The following ANOS1 variants were observed in gnomAD, a reference collection of about 807,000 sequenced individuals.
ANOS1 encodes anosmin-1.
In ANOS1, 6 loss-of-function variants were observed where a neutral mutation model predicts 59.0. The observed-to-expected ratio is 0.10, with a 90% confidence interval of 0.06 to 0.20. The LOEUF is 0.20. ANOS1 is among the 10% of genes least tolerant of loss of function. The pLI, the probability that ANOS1 is intolerant of heterozygous loss-of-function variation, is 1.00. For synonymous variants in ANOS1, 217 were observed against 223.4 expected (o/e 0.97, Z 0.25); for missense variants, 433 against 542.3 (o/e 0.80, Z 2.00).
chrX:8,571,554 G>A (rs908319878), intron 6 of ANOS1, among the ~76,000 whole-genome samples: 5 of 111,883 alleles, frequency 4.5e-5, no homozygotes, highest in African/African-American at 1.6e-4. Context: ...TTGCACACTG[G>A]ATGACTTATG....
At chrX:8,657,864 G>C (rs1015282717) in intron 2 of ANOS1, among the ~76,000 whole-genome samples, 4 of 111,150 alleles carry the variant, frequency 3.6e-5, no homozygotes, top group Non-Finnish European at 7.5e-5. Context: ...GGGGACAGAA[G>C]GGAGTCCAGG....
At chrX:8,659,355 G>T (rs1249110001) in intron 2 of ANOS1, among the ~76,000 whole-genome samples, 1 of 111,114 alleles carries the variant, frequency 9.0e-6, no homozygotes, top group African/African-American at 3.3e-5. Context: ...AAGCTACAGT[G>T]AGCTATAATT....
rs957612164 is a variant in ANOS1 at position 8,731,956 on chromosome X, G to C, written c.81C>G (p.Pro27=). The C allele has an allele frequency of 2.7e-6, 3 of 1,113,442 alleles. No individual in the cohort carries two copies. The highest frequency in any genetic ancestry group is 2.1e-5 in the South Asian group (1 of 46,545). The allele number at this position is 1,113,442 out of a possible 1,213,427, so 91.8% of individuals were successfully genotyped here. A position where few individuals can be genotyped will look rare whatever the true frequency, so the allele number is the denominator to read the frequency against. ...CCAGCCGCCGCGCAGCAGCCGCGCC[G>C]GGGCCGGCCGCCAGGCAGCCGCTGG... ...AASSGCLAAG[P]GAAAARRLDE... The change falls in exon 1 of 14, where the codon CCC becomes CCG. Residue 27 remains proline, a synonymous_variant. Transcript: ENST00000262648.
At chrX:8,641,297 C>T (rs1282663561) in intron 2 of ANOS1, among the ~76,000 whole-genome samples, 1 of 111,877 alleles carries the variant, frequency 8.9e-6, no homozygotes, top group Admixed American at 9.5e-5. Flanking sequence ...ATCTAGCTCA[C>T]CCTTGGTAAA....
intron 6 of ANOS1, among the ~76,000 whole-genome samples, chrX:8,579,438 G>C (rs1930384085): frequency 8.9e-6 from 1 of 112,265 alleles, no homozygotes; most frequent in African/African-American, 3.2e-5. Flanking sequence ...AGAAGATTAG[G>C]AATATTTAGT....
chrX:8,584,431 T>TA (rs34310260), intron 6 of ANOS1, among the ~76,000 whole-genome samples: 9 of 110,825 alleles, frequency 8.1e-5, no homozygotes, highest in African/African-American at 2.3e-4. Flanking sequence ...TGTTTGTTTT[T>TA]AAAAAAAAGA....
At chrX:8,590,210 A>AT (rs1930592114) in intron 4 of ANOS1, among the ~76,000 whole-genome samples, 1 of 111,763 alleles carries the variant, frequency 8.9e-6, no homozygotes, top group Non-Finnish European at 1.9e-5. Flanking sequence ...CTTCTTCATA[A>AT]TTGGCTACCA....
intron 1 of ANOS1, among the ~76,000 whole-genome samples, chrX:8,719,528 G>A (rs961336129): frequency 5.4e-5 from 6 of 111,043 alleles, no homozygotes; most frequent in Non-Finnish European, 9.4e-5. Context: ...CTACAGGTGC[G>A]CACCACCATG....
chrX:8,582,593 G>A (rs968956671), intron 6 of ANOS1, among the ~76,000 whole-genome samples: 18 of 111,467 alleles, frequency 1.6e-4, no homozygotes, highest in African/African-American at 5.9e-4. Context: ...AAAAACTGTC[G>A]GGAAGTGGCT....
At chrX:8,586,617 A>C (rs1930513650) in intron 5 of ANOS1, among the ~76,000 whole-genome samples, 1 of 112,010 alleles carries the variant, frequency 8.9e-6, no homozygotes, top group South Asian at 3.7e-4. Context: ...ATAATTCTTT[A>C]AGTAATTTGG....
rs749388748 is a variant in ANOS1 at position 8,619,576 on chromosome X, C to G, written c.318+4032G>C. 5.4e-5 allele frequency among the ~76,000 whole-genome samples: 6 copies of G among 111,406 alleles called. No homozygotes were observed. The East Asian group carries it at 1.7e-3, about 31-fold the overall frequency. ...CTGAGATTGCGCCACTGCACTCCAG[C>G]CTGGCAACAGAGCAAGACTCCGTCT... On this transcript the variant is annotated intron_variant, in intron 3 of 13. Coordinates refer to ENST00000262648, the MANE Select transcript of ANOS1 (RefSeq NM_000216.4).
intron 2 of ANOS1, among the ~76,000 whole-genome samples, chrX:8,675,873 G>A (rs1158557058): frequency 5.0e-5 from 1 of 19,862 alleles, no homozygotes; most frequent in African/African-American, 1.7e-4. Flanking sequence ...CCCACCCCCC[G>A]ACAGGCCCCA....
chrX:8,630,294 G>T (rs1295610023), intron 2 of ANOS1, among the ~76,000 whole-genome samples: 5 of 110,967 alleles, frequency 4.5e-5, no homozygotes, highest in Non-Finnish European at 9.4e-5. Flanking sequence ...AGGCAGGTGT[G>T]GTGGCAAGCG....
At chrX:8,718,939 A>C (rs1391219195) in intron 1 of ANOS1, among the ~76,000 whole-genome samples, 2 of 112,310 alleles carry the variant, frequency 1.8e-5, no homozygotes, top group South Asian at 7.4e-4. Flanking sequence ...GAGTTCTCAG[A>C]AAATATTCGT....
intron 3 of ANOS1, among the ~76,000 whole-genome samples, chrX:8,610,006 CAAAAA>C (rs1167209336): frequency 0.013 from 117 of 9,133 alleles, 1 homozygote; most frequent in African/African-American, 0.024. Context: ...GACTCCATCT[CAAAAA>C]AAAAAAAAAA....
intron 3 of ANOS1, among the ~76,000 whole-genome samples, chrX:8,609,736 G>A (rs1477719881): frequency 1.2e-4 from 13 of 110,696 alleles, no homozygotes; most frequent in Non-Finnish European, 2.5e-4. Context: ...GGTCGGGCAT[G>A]GTGGCTCATG....
chrX:8,613,532 G>C (rs1426494660), intron 3 of ANOS1, among the ~76,000 whole-genome samples: 1 of 111,329 alleles, frequency 9.0e-6, no homozygotes, highest in Non-Finnish European at 1.9e-5. Context: ...AGCCTCATCT[G>C]CTGGTTTTCA....
intron 4 of ANOS1, among the ~76,000 whole-genome samples, chrX:8,596,812 A>G (rs1930744884): frequency 8.9e-6 from 1 of 112,457 alleles, no homozygotes; most frequent in African/African-American, 3.2e-5. Context: ...CAAATTAAAA[A>G]GAATTAATAT....
intron 7 of ANOS1, among the ~76,000 whole-genome samples, chrX:8,569,586 G>A (rs1032782108): frequency 8.9e-6 from 1 of 111,976 alleles, no homozygotes; most frequent in East Asian, 2.8e-4. Context: ...AGCTTGCAGT[G>A]AGCCGAGATT....
Sources: allele counts gnomAD v4.1 joint callset (sites outside exome capture counted in the v4.1 genomes callset), GRCh38; gene constraint gnomAD v4.1.1; transcripts MANE v1.5; gene names NCBI Gene and HGNC (gene_info 2026-07-23, HGNC 2026-07-21).